STAM2: variants seen among roughly 807,000 people sequenced by gnomAD.
STAM2 encodes the protein signal transducing adapter molecule 2.
In STAM2, 51 loss-of-function variants were observed where a neutral mutation model predicts 65.6. That is an observed-to-expected ratio of 0.78 (90% CI 0.62 to 0.98). STAM2 has a LOEUF of 0.98. STAM2 is among the 50% of genes least tolerant of loss of function. The pLI, the probability that STAM2 is intolerant of heterozygous loss-of-function variation, is 0.00. For missense variants in STAM2, 584 were observed against 617.8 expected, an observed-to-expected ratio of 0.95 and a Z score of 0.58; for synonymous variants, 198 against 208.4, an observed-to-expected ratio of 0.95 and a Z score of 0.43.
chr2:152,123,847 T>C lies in STAM2; in HGVS notation c.1268A>G (p.Asp423Gly). The change falls in exon 13 of 14, where the codon GAT (aspartate) becomes GGT (glycine). Residue 423 changes from aspartate (D) to glycine (G), a missense_variant. Transcript: ENST00000263904. ...TVAQSYSLGP[D>G]QIGPLRSLPP... ...CAGAGATCTCAGTGGACCAATTTGA[T>C]CGGGTCCTAGGCTATAGCTTTGGGC... 6.2e-7 allele frequency: 1 copy of C among 1,614,090 alleles called. No homozygotes were observed. Among genetic ancestry groups the C allele is most frequent in the Non-Finnish European group, 8.5e-7 (1 of 1,179,954 alleles).
intron 5 of STAM2, 124 bp downstream of exon 5, chr2:152,147,038 A>G: frequency 1.1e-6 from 1 of 887,062 alleles, no homozygotes; most frequent in Non-Finnish European, 1.7e-6. Context: ...GCACTATGCT[A>G]GAGAGTCATT....
Position 152,143,997 on chromosome 2 carries a change from C to A in STAM2, c.534G>T (p.Leu178=). Residue 178 remains leucine, a synonymous_variant, in exon 7 of 14, where the codon CTG becomes CTT. Transcript: ENST00000263904. Reference sequence around the variant, plus strand: ...CTGTGTGTTGCTGTTTCTGTTCTTGCAGCGATAATTCAATAGCTAGTTTCA... The same window carrying A: ...CTGTGTGTTGCTGTTTCTGTTCTTGAAGCGATAATTCAATAGCTAGTTTCA... ...EDIAKAIELS[L]QEQKQQHTET... is the part of the protein sequence containing the mutation. The A allele has an allele frequency of 6.2e-7, 1 of 1,609,202 alleles. No homozygotes were observed. The highest frequency in any genetic ancestry group is 8.5e-7 in the Non-Finnish European group (1 of 1,178,938).
chr2:152,135,654 T>A (rs771567153), intron 7 of STAM2, 51 bp from the exon 8 acceptor site: 1 of 1,190,026 alleles, frequency 8.4e-7, no homozygotes, highest in Non-Finnish European at 1.2e-6. Context: ...TTTAATACAA[T>A]AAGCAAAGAT....
Position 152,133,453 on chromosome 2 carries a change from A to G in STAM2, c.831T>C (p.Asp277=). The change falls in exon 9 of 14, where the codon GAT becomes GAC. Residue 277 remains aspartate, a synonymous_variant. Coordinates refer to ENST00000263904, the MANE Select transcript of STAM2 (RefSeq NM_005843.6). ...AAVDKLNVID[D]DVEEIKKSEP... is the part of the protein sequence containing the mutation. ...CTGATTTCTTAATTTCCTCCACATC[A>G]TCATCAATTACATTCAATTTGTCCA... 3 of 1,612,868 alleles carry G rather than the reference A, an allele frequency of 1.9e-6. No homozygotes were observed. The highest frequency in any genetic ancestry group is 2.2e-5 in the East Asian group (1 of 44,780).
In STAM2 at chr2:152,173,325, T is replaced by C. The variant is rs983795799; in HGVS notation, c.40+2278A>G. Reference sequence around the variant, plus strand: ...CATCTCAAGTCAAATAATGACTTGCTTTGTGTATGCGTGTGTGTCTGTGGG... The same window carrying C: ...CATCTCAAGTCAAATAATGACTTGCCTTGTGTATGCGTGTGTGTCTGTGGG... On this transcript the variant is annotated intron_variant, in intron 1 of 13. Coordinates refer to ENST00000263904, the MANE Select transcript of STAM2 (RefSeq NM_005843.6). Among the ~76,000 whole-genome samples, 7 of 150,162 alleles carry C rather than the reference T, an allele frequency of 4.7e-5. No individual in the cohort carries two copies. In the Admixed American group the frequency reaches 4.7e-4, roughly 10 times the overall value.
chr2:152,159,748 C>CT (rs1491505906), intron 1 of STAM2, among the ~76,000 whole-genome samples: 1 of 152,212 alleles, frequency 6.6e-6, no homozygotes, highest in Non-Finnish European at 1.5e-5. Context: ...CTCCCTCTCC[C>CT]TCTCTTTCCA....
chr2:152,139,277 A>G (rs998335896), intron 7 of STAM2, among the ~76,000 whole-genome samples: 10 of 152,258 alleles, frequency 6.6e-5, no homozygotes, highest in African/African-American at 2.4e-4. Context: ...ATACAAGTGT[A>G]AAGAACATAA....
intron 1 of STAM2, among the ~76,000 whole-genome samples, chr2:152,157,850 CG>C (rs1248818716): frequency 1.3e-5 from 2 of 152,106 alleles, no homozygotes; most frequent in African/African-American, 4.8e-5. Context: ...CCTGTCAAAA[CG>C]TAAAAGATCC....
chr2:152,126,108 T>C, intron 12 of STAM2, 118 bp downstream of exon 12: 2 of 885,774 alleles, frequency 2.3e-6, no homozygotes, highest in Non-Finnish European at 3.1e-6. Context: ...CAATCAAAGA[T>C]AAATTTTATA....
chr2:152,166,921 A>C (rs1689798405), intron 1 of STAM2, among the ~76,000 whole-genome samples: 2 of 152,280 alleles, frequency 1.3e-5, no homozygotes, highest in Non-Finnish European at 2.9e-5. Context: ...AATGAAAATA[A>C]GCAAGTGCTT....
At chr2:152,132,492 A>G (rs1689081799) in intron 10 of STAM2, among the ~76,000 whole-genome samples, 1 of 152,210 alleles carries the variant, frequency 6.6e-6, no homozygotes, top group Non-Finnish European at 1.5e-5. Context: ...AACTTAAGCC[A>G]CAGTATATAA....
chr2:152,173,385 T>C (rs570458543), intron 1 of STAM2, among the ~76,000 whole-genome samples: 60 of 147,558 alleles, frequency 4.1e-4, no homozygotes, highest in African/African-American at 1.3e-3. Flanking sequence ...TATATATATA[T>C]ATGTATACAT....
chr2:152,147,418 T>C, intron 4 of STAM2, 110 bp from the exon 5 acceptor site: 1 of 1,044,886 alleles, frequency 9.6e-7, no homozygotes, highest in Non-Finnish European at 1.3e-6. Context: ...TATATGAACA[T>C]CAACAAAAGT....
intron 1 of STAM2, among the ~76,000 whole-genome samples, chr2:152,160,841 C>A (rs1466224768): frequency 5.4e-5 from 8 of 148,422 alleles, no homozygotes; most frequent in African/African-American, 9.9e-5. Flanking sequence ...GTCAGCCCCC[C>A]ACCCGGCCAG....
chr2:152,141,271 C>G (rs1023057022), intron 7 of STAM2, among the ~76,000 whole-genome samples: 5 of 152,046 alleles, frequency 3.3e-5, no homozygotes, highest in African/African-American at 1.2e-4. Flanking sequence ...CACAGTGGCT[C>G]ACGCCTGTAA....
intron 1 of STAM2, among the ~76,000 whole-genome samples, chr2:152,162,789 C>T (rs528052949): frequency 8.7e-5 from 13 of 149,514 alleles, no homozygotes; most frequent in Middle Eastern, 3.4e-3. Flanking sequence ...TATAGGCGCA[C>T]GCCACCATGC....
At chr2:152,150,269 C>G in intron 1 of STAM2, 40 bp from the exon 2 acceptor site, 1 of 1,277,580 alleles carries the variant, frequency 7.8e-7, no homozygotes, top group Non-Finnish European at 1.1e-6. Flanking sequence ...GAGGACACAT[C>G]TCATATAACA....
rs770979399 is a variant in STAM2, at chr2:152,147,217, G to A, written c.392C>T (p.Ala131Val). Residue 131 changes from alanine (A) to valine (V), a missense_variant, in exon 5 of 14, where the codon GCA becomes GTA. Physicochemically the swap from Ala to Val is moderately conservative, Grantham distance 64. Transcript: ENST00000263904. ...TTCTTCTTTCATAGATTTAATAGTT[G>A]CAGATATCAGACTAAACTGAGGGTC... The part of the protein sequence containing the change: ...QKDPQFSLIS[A>V]TIKSMKEEGI... 1 of 1,611,592 alleles carries A rather than the reference G, an allele frequency of 6.2e-7. No individual in the cohort carries two copies. The highest frequency in any genetic ancestry group is 1.1e-5 in the South Asian group (1 of 90,522).
chr2:152,158,235 G>T (rs949177646), intron 1 of STAM2, among the ~76,000 whole-genome samples: 1 of 152,144 alleles, frequency 6.6e-6, no homozygotes, highest in Non-Finnish European at 1.5e-5. Flanking sequence ...CCAGCACTTT[G>T]GGAAGCCAAG....
Sources: gnomAD v4.1 joint callset for allele counts (sites outside exome capture counted in the v4.1 genomes callset) on GRCh38, gnomAD v4.1.1 for gene constraint, MANE v1.5 for transcripts, NCBI Gene and HGNC (gene_info 2026-07-23, HGNC 2026-07-21) for gene names.